The following NFATC2 variants were observed in gnomAD, a reference collection of about 807,000 sequenced individuals.
NFATC2 encodes nuclear factor of activated T-cells, cytoplasmic 2.
NFATC2 carries 22 observed loss-of-function variants against 87.3 expected under a neutral mutation model. That is an observed-to-expected ratio of 0.25 (90% CI 0.18 to 0.36). The LOEUF is 0.36. Among genes scored for constraint, NFATC2 ranks in the 10% least tolerant of loss-of-function variants. The probability of loss-of-function intolerance (pLI) is 1.00; values close to 1 mark genes in which losing one functional copy is unlikely to be tolerated. For synonymous variants in NFATC2, 565 were observed against 542.2 expected, an observed-to-expected ratio of 1.04 and a Z score of -0.58; for missense variants, 1,149 against 1,259.1, an observed-to-expected ratio of 0.91 and a Z score of 1.32.
At chr20:51,557,534 T>C (rs964927895) in intron 1 of NFATC2, among the ~76,000 whole-genome samples, 4 of 152,174 alleles carry the variant, frequency 2.6e-5, no homozygotes, top group Non-Finnish European at 5.9e-5. Flanking sequence ...GGCTTATTTA[T>C]TCCAGAAAAC....
intron 1 of NFATC2, among the ~76,000 whole-genome samples, chr20:51,536,789 C>T (rs566420974): frequency 6.6e-6 from 1 of 152,312 alleles, no homozygotes; most frequent in South Asian, 2.1e-4. Context: ...CCAAAGCAGG[C>T]TTATTAAGGC....
At chr20:51,462,281 A>C (rs1036751008) in intron 5 of NFATC2, among the ~76,000 whole-genome samples, 5 of 19,050 alleles carry the variant, frequency 2.6e-4, no homozygotes, top group Admixed American at 2.5e-3. Flanking sequence ...CTAATAATAC[A>C]AAAAAAAAAA....
chr20:51,449,710 C>G (rs1282745607), intron 6 of NFATC2, among the ~76,000 whole-genome samples: 1 of 152,152 alleles, frequency 6.6e-6, no homozygotes, highest in East Asian at 1.9e-4. Context: ...CTGAGGTCAT[C>G]CCACCACTGC....
At position 51,480,907 on chromosome 20, in the gene NFATC2, G is replaced by A. The variant is rs183792310; in HGVS notation, c.1333-5247C>T. 6.6e-6 allele frequency among the ~76,000 whole-genome samples: 1 copy of A among 152,308 alleles called. No individual in the cohort carries two copies. The highest frequency in any genetic ancestry group is 1.9e-4 in the East Asian group (1 of 5,184). On this transcript the variant is annotated intron_variant, in intron 3 of 10. Coordinates refer to ENST00000371564, the MANE Select transcript of NFATC2 (RefSeq NM_012340.5). This position sits in a 1 kb window ranked among gnomAD's most constrained non-coding sequence, Gnocchi z 4.2. ...GAATGGAAGGGTGAAGAATGAATGTGAACAAAGTGAGAACCAACGTGAAGG... is the reference window on the plus strand; with the variant it reads ...GAATGGAAGGGTGAAGAATGAATGTAAACAAAGTGAGAACCAACGTGAAGG...
intron 6 of NFATC2, among the ~76,000 whole-genome samples, chr20:51,449,428 T>C (rs1985500172): frequency 6.6e-6 from 1 of 152,150 alleles, no homozygotes; most frequent in Non-Finnish European, 1.5e-5. Context: ...GATTGTCTCT[T>C]GTCGTTAATC....
intron 9 of NFATC2, among the ~76,000 whole-genome samples, chr20:51,416,406 C>T (rs1008909344): frequency 6.6e-6 from 1 of 152,222 alleles, no homozygotes; most frequent in African/African-American, 2.4e-5. Context: ...ACCTGGGATT[C>T]CCAGGGTGCC....
intron 9 of NFATC2, among the ~76,000 whole-genome samples, chr20:51,414,137 G>T (rs976989815): frequency 6.6e-6 from 1 of 151,938 alleles, no homozygotes; most frequent in Non-Finnish European, 1.5e-5. Context: ...TTTGAGCAAA[G>T]GGTGGACGTC....
At chr20:51,550,081 C>T (rs1361302899) in intron 1 of NFATC2, among the ~76,000 whole-genome samples, 1 of 152,136 alleles carries the variant, frequency 6.6e-6, no homozygotes, top group Non-Finnish European at 1.5e-5. Flanking sequence ...TGGTGGCTCA[C>T]GTCTATAATC....
chr20:51,445,257 CT>C (rs972197554), intron 6 of NFATC2, among the ~76,000 whole-genome samples: 5 of 152,172 alleles, frequency 3.3e-5, no homozygotes, highest in Admixed American at 3.3e-4. Flanking sequence ...CCGCCCGGGC[CT>C]GCTTCCCATT....
intron 3 of NFATC2, among the ~76,000 whole-genome samples, chr20:51,476,459 T>C (rs970987220): frequency 2.6e-5 from 4 of 152,120 alleles, no homozygotes; most frequent in African/African-American, 9.7e-5. Flanking sequence ...AGAATGCCTA[T>C]AGTGAGTAAG....
intron 3 of NFATC2, among the ~76,000 whole-genome samples, chr20:51,509,619 AAC>A (rs1197998116): frequency 6.6e-6 from 1 of 152,206 alleles, no homozygotes; most frequent in East Asian, 1.9e-4. Context: ...CACGTCCCCA[AAC>A]ACAAAATTTT....
At chr20:51,512,047 TGCTCTGTGTGTAGAAC>T (rs2076279470) in intron 3 of NFATC2, among the ~76,000 whole-genome samples, 1 of 152,202 alleles carries the variant, frequency 6.6e-6, no homozygotes, top group South Asian at 2.1e-4. Context: ...GCATGTGCTG[TGCTCTGTGTGTAGAAC>T]ACTCTCCCCC....
chr20:51,478,542 G>A (rs904941127), intron 3 of NFATC2, among the ~76,000 whole-genome samples: 5 of 152,182 alleles, frequency 3.3e-5, no homozygotes, highest in Middle Eastern at 3.4e-3. Context: ...TTCCATCCCC[G>A]CTCTTGTTGG....
At chr20:51,515,646 G>T (rs2076339675) in intron 3 of NFATC2, among the ~76,000 whole-genome samples, 1 of 148,444 alleles carries the variant, frequency 6.7e-6, no homozygotes, top group South Asian at 2.1e-4. Context: ...AAAACTCAAT[G>T]AATAGAAACA....
Position 51,487,760 on chromosome 20 carries a change from G to A in NFATC2, c.1333-12100C>T, listed in dbSNP as rs550072631. 2.6e-5 allele frequency among the ~76,000 whole-genome samples: 4 copies of A among 152,156 alleles called. No homozygotes were observed. The East Asian group carries it at 5.8e-4, about 22-fold the overall frequency. ...CGCCCCCACACCAAAGACTGTGCAG[G>A]TCTCTCTGGATTCAGACCAAAAATT... On this transcript the variant is annotated intron_variant, in intron 3 of 10. Coordinates refer to ENST00000371564, the MANE Select transcript of NFATC2 (RefSeq NM_012340.5).
chr20:51,508,729 G>A (rs2076225706), intron 3 of NFATC2, among the ~76,000 whole-genome samples: 1 of 152,058 alleles, frequency 6.6e-6, no homozygotes, highest in South Asian at 2.1e-4. Context: ...CTTTCCCAAG[G>A]CTACAGCCCC....
rs1298888975 is a variant in NFATC2, at chr20:51,562,550, A to G, written c.70+10T>C. ...GCGGAAAAGGCTGGAAGGGATCGAG[A>G]GTCAGTTACCTTGGTCCACAGACCC... On this transcript the variant is annotated intron_variant, in intron 1 of 10. Transcript: ENST00000414705. This position sits in a 1 kb window ranked among gnomAD's most constrained non-coding sequence, Gnocchi z 5.8. The G allele has an allele frequency of 5.8e-6, 9 of 1,549,326 alleles. No individual in the cohort carries two copies. Among genetic ancestry groups the G allele is most frequent in the South Asian group, 2.4e-5 (2 of 83,830 alleles).
chr20:51,478,739 G>A (rs954252137), intron 3 of NFATC2, among the ~76,000 whole-genome samples: 7 of 152,166 alleles, frequency 4.6e-5, no homozygotes, highest in Non-Finnish European at 1.0e-4. Context: ...CAAACTCTGT[G>A]TGATAGTCTA....
chr20:51,399,350 G>A (rs533347433), intron 9 of NFATC2: 2 of 152,312 alleles, frequency 1.3e-5, no homozygotes, highest in African/African-American at 4.8e-5. Flanking sequence ...CAATGCCTGT[G>A]GCTTTCAAAA....
Sources: allele counts gnomAD v4.1 joint callset (sites outside exome capture counted in the v4.1 genomes callset), GRCh38; gene constraint gnomAD v4.1.1; non-coding constraint Gnocchi (gnomAD v3.1); transcripts MANE v1.5; gene names NCBI Gene and HGNC (gene_info 2026-07-23, HGNC 2026-07-21).